LIFR: variants seen among roughly 807,000 people sequenced by gnomAD.
LIFR encodes LIF receptor subunit alpha.
LIFR carries 84 observed loss-of-function variants against 122.2 expected under a neutral mutation model. The ratio of observed to expected loss-of-function variants is 0.69; its 90% CI spans 0.58 to 0.82. The LOEUF is 0.82. Ranked by LOEUF, LIFR falls within the 40% of genes least tolerant of loss-of-function variation. The probability of loss-of-function intolerance (pLI) is 0.00; values close to 1 mark genes in which losing one functional copy is unlikely to be tolerated. For missense variants in LIFR, 1,294 were observed against 1,311.6 expected (o/e 0.99, Z 0.21); for synonymous variants, 422 against 434.7 (o/e 0.97, Z 0.36).
chr5:38,594,949 A>T (rs552354196), intron 1 of LIFR: 2 of 198,330 alleles, frequency 1.0e-5, no homozygotes, highest in East Asian at 1.6e-4. Flanking sequence ...AAACTGTACA[A>T]CTGTATACAG....
chr5:38,595,969 C>T (rs949421923), upstream of LIFR, among the ~76,000 whole-genome samples: 4 of 152,092 alleles, frequency 2.6e-5, no homozygotes, highest in African/African-American at 4.8e-5. Context: ...ATCTCCTGAC[C>T]TCGTGATCCA....
chr5:38,493,384 G>T (rs1178696224), intron 14 of LIFR, among the ~76,000 whole-genome samples: 1 of 151,978 alleles, frequency 6.6e-6, no homozygotes, highest in Non-Finnish European at 1.5e-5. Context: ...TTAAATCTGT[G>T]TTGTTCTCTG....
chr5:38,587,130 A>G (rs763109099), intron 1 of LIFR, among the ~76,000 whole-genome samples: 3 of 152,104 alleles, frequency 2.0e-5, no homozygotes, highest in Non-Finnish European at 2.9e-5. Flanking sequence ...CTGGGAATAC[A>G]GTACTGAAAA....
intron 1 of LIFR, among the ~76,000 whole-genome samples, chr5:38,586,457 C>T (rs1396342236): frequency 6.6e-6 from 1 of 152,190 alleles, no homozygotes; most frequent in Non-Finnish European, 1.5e-5. Context: ...CCTCAGAATT[C>T]TAACTGTAGT....
Position 38,481,289 on chromosome 5 carries a change from A to G in LIFR, c.*306T>C. On this transcript the variant is annotated 3_prime_UTR_variant, in exon 20 of 20. Coordinates refer to ENST00000453190, the MANE Select transcript of LIFR (RefSeq NM_001127671.2). ...ACAGTTGCGGCGGGATTTGTTTTAC[A>G]TGTACGTACAAGTAGGTATTAGCCT... The G allele has an allele frequency of 2.3e-6, 1 of 432,604 alleles. No individual in the cohort carries two copies. The highest frequency in any genetic ancestry group is 4.2e-6 in the Non-Finnish European group (1 of 238,080). The allele number at this position is 432,604 out of a possible 1,614,324, so 26.8% of individuals were successfully genotyped here.
At chr5:38,572,591 C>T (rs1580211856) in intron 1 of LIFR, among the ~76,000 whole-genome samples, 1 of 152,320 alleles carries the variant, frequency 6.6e-6, no homozygotes, top group East Asian at 1.9e-4. Context: ...TGACAGACAT[C>T]TCCAGTCTAT....
chr5:38,604,877 G>T (rs1750294345), intron 2 of LIFR, among the ~76,000 whole-genome samples: 1 of 152,142 alleles, frequency 6.6e-6, no homozygotes, highest in Non-Finnish European at 1.5e-5. Flanking sequence ...ACATTGCTTT[G>T]ATCTGGAAGG....
chr5:38,591,670 A>G lies in LIFR; in HGVS notation c.-20+3591T>C, dbSNP rs114557499. ...CCACCATGGTCAGGCCCAGTGACTCACTCTAAACTGAGTTTTGTTGTTTCT... is the reference window on the plus strand; with the variant it reads ...CCACCATGGTCAGGCCCAGTGACTCGCTCTAAACTGAGTTTTGTTGTTTCT... On this transcript the variant is annotated intron_variant, in intron 1 of 19. Coordinates refer to the LIFR transcript ENST00000263409. Among the ~76,000 whole-genome samples the G allele has an allele frequency of 4.0e-3, 605 of 152,192 alleles. 2 individuals are homozygous for G. The highest frequency in any genetic ancestry group is 0.01 in the Middle Eastern group (3 of 294).
chr5:38,516,308 A>G (rs1487807092), intron 5 of LIFR, among the ~76,000 whole-genome samples: 1 of 152,212 alleles, frequency 6.6e-6, no homozygotes, highest in East Asian at 1.9e-4. Flanking sequence ...CCTCGTCCCT[A>G]TCCATCTGAC....
At chr5:38,513,557 A>G (rs1373496596) in intron 5 of LIFR, among the ~76,000 whole-genome samples, 2 of 152,234 alleles carry the variant, frequency 1.3e-5, no homozygotes, top group Admixed American at 1.3e-4. Flanking sequence ...AATGGGGACT[A>G]TCATTCCAAA....
intron 16 of LIFR, among the ~76,000 whole-genome samples, chr5:38,487,994 T>C (rs1744381695): frequency 6.6e-6 from 1 of 152,236 alleles, no homozygotes; most frequent in African/African-American, 2.4e-5. Flanking sequence ...CAGTGTTGTT[T>C]TGCCTCTTCT....
chr5:38,479,086 C>T lies in LIFR; in HGVS notation c.*2509G>A, dbSNP rs2112342720. On this transcript the variant is annotated 3_prime_UTR_variant, in exon 20 of 20. Coordinates refer to ENST00000453190, the MANE Select transcript of LIFR (RefSeq NM_001127671.2). ...TGTGACCAATCTCCTTCCAACTTCC[C>T]TCCCCTCTTCCCGTGTTGTTACTCT... 4.3e-6 allele frequency: 1 copy of T among 232,364 alleles called. No homozygotes were observed. Among genetic ancestry groups the T allele is most frequent in the Non-Finnish European group, 8.5e-6 (1 of 117,518 alleles). 14.4% of individuals were successfully genotyped at this position (232,364 alleles called of 1,614,324 possible).
At chr5:38,532,715 G>C (rs1561184177) in intron 1 of LIFR, among the ~76,000 whole-genome samples, 1 of 152,174 alleles carries the variant, frequency 6.6e-6, no homozygotes, top group Non-Finnish European at 1.5e-5. Flanking sequence ...TAACACATCA[G>C]ACTTCCCCAC....
chr5:38,482,295 C>G, intron 19 of LIFR, 77 bp from the exon 20 acceptor site: 1 of 1,401,534 alleles, frequency 7.1e-7, no homozygotes, highest in South Asian at 1.3e-5. Context: ...AAAAGGGACA[C>G]ATTTTTCCCC....
Position 38,527,218 on chromosome 5 carries a change from T to C in LIFR, c.334A>G (p.Ile112Val), listed in dbSNP as rs549423718. ...CTTCCAAAATCATGTAGAGAATTTATTGTTATTTCATAATCACCATGTGAA... is the reference window on the plus strand; with the variant it reads ...CTTCCAAAATCATGTAGAGAATTTACTGTTATTTCATAATCACCATGTGAA... ...ALSHGDYEITINSLHDFGSST... is the reference protein window; with the variant it reads ...ALSHGDYEITVNSLHDFGSST... Residue 112 changes from isoleucine to valine, a missense_variant, in exon 4 of 20, where the codon ATA becomes GTA. Ile to Val is a conservative substitution (Grantham distance 29). Coordinates refer to ENST00000453190, the MANE Select transcript of LIFR (RefSeq NM_001127671.2). The C allele has an allele frequency of 1.0e-5, 16 of 1,591,228 alleles. No individual in the cohort carries two copies. The Admixed American group carries it at 2.2e-4, about 22-fold the overall frequency.
intron 12 of LIFR, among the ~76,000 whole-genome samples, chr5:38,498,914 T>G (rs1745030811): frequency 6.6e-6 from 1 of 152,168 alleles, no homozygotes; most frequent in African/African-American, 2.4e-5. Flanking sequence ...ATAACAAAAT[T>G]CACTATTTAA....
At chr5:38,489,308 T>A in intron 15 of LIFR, 63 bp from the exon 16 acceptor site, 1 of 1,205,766 alleles carries the variant, frequency 8.3e-7, no homozygotes, top group Non-Finnish European at 1.2e-6. Flanking sequence ...TACAGTAATG[T>A]TTCCTGAGCT....
At chr5:38,536,354 T>TAA (rs550816519) in intron 1 of LIFR, among the ~76,000 whole-genome samples, 2 of 147,090 alleles carry the variant, frequency 1.4e-5, no homozygotes, top group East Asian at 2.0e-4. Flanking sequence ...AAAAAAACAG[T>TAA]AAAAAAAAAA....
Position 38,496,497 on chromosome 5 carries a change from A to G in LIFR, c.1770T>C (p.Pro590=), listed in dbSNP as rs1266223682. ...ETQSLSEIPD[P]QHKAEIRLDK... ...CAAGTCGTATCTCTGCTTTGTGCTG[A>G]GGATCAGGGATTTCAGAAAGGGACT... Residue 590 remains proline (P), a synonymous_variant, in exon 13 of 20, where the codon CCT becomes CCC. Transcript: ENST00000453190. 6.2e-7 allele frequency: 1 copy of G among 1,613,902 alleles called. No individual in the cohort carries two copies. The highest frequency in any genetic ancestry group is 8.5e-7 in the Non-Finnish European group (1 of 1,179,728).
Sources: allele counts gnomAD v4.1 joint callset (sites outside exome capture counted in the v4.1 genomes callset), GRCh38; gene constraint gnomAD v4.1.1; transcripts MANE v1.5; gene names NCBI Gene and HGNC (gene_info 2026-07-23, HGNC 2026-07-21).